The following OXR1 variants were observed in gnomAD, a reference collection of about 807,000 sequenced individuals.
OXR1 encodes the protein oxidation resistance 1, also known as oxidation resistance protein 1.
OXR1 carries 41 observed loss-of-function variants against 104.6 expected under a neutral mutation model. The observed-to-expected ratio is 0.39, with a 90% CI of 0.31 to 0.51. OXR1 has a LOEUF of 0.51. Among genes scored for constraint, OXR1 ranks in the 20% least tolerant of loss-of-function variants. OXR1 has a pLI of 0.77. For missense variants in OXR1, 955 were observed against 1,031.9 expected (o/e 0.93, Z 1.02); for synonymous variants, 348 against 348.4 (o/e 1.00, Z 0.01).
intron 2 of OXR1, among the ~76,000 whole-genome samples, chr8:106,430,754 G>C (rs1002912127): frequency 2.0e-5 from 3 of 152,056 alleles, no homozygotes; most frequent in Non-Finnish European, 4.4e-5. Context: ...TCATCTCAGG[G>C]GAAAATAATT....
At chr8:106,353,573 G>C (rs933134470) in intron 1 of OXR1, among the ~76,000 whole-genome samples, 5 of 151,476 alleles carry the variant, frequency 3.3e-5, no homozygotes, top group African/African-American at 1.2e-4. Flanking sequence ...ATTTTATTTT[G>C]TTCATTTTTT....
chr8:106,382,338 G>T (rs1324204111), intron 2 of OXR1, among the ~76,000 whole-genome samples: 2 of 151,948 alleles, frequency 1.3e-5, no homozygotes, highest in Non-Finnish European at 2.9e-5. Context: ...AAAAAAAAAT[G>T]CAGCATCCTG....
intron 2 of OXR1, among the ~76,000 whole-genome samples, chr8:106,434,581 CA>C (rs1293120910): frequency 2.0e-5 from 3 of 152,110 alleles, no homozygotes; most frequent in Non-Finnish European, 2.9e-5. Context: ...ATTACTTTTC[CA>C]GGGGTGATAA....
intron 2 of OXR1, among the ~76,000 whole-genome samples, chr8:106,474,638 T>C (rs901146614): frequency 2.0e-4 from 30 of 151,954 alleles, no homozygotes; most frequent in African/African-American, 7.2e-4. Context: ...CATACTCATT[T>C]GTGTATTATC....
At chr8:106,427,687 G>C (rs1013776564) in intron 2 of OXR1, among the ~76,000 whole-genome samples, 2 of 152,088 alleles carry the variant, frequency 1.3e-5, no homozygotes, top group Non-Finnish European at 2.9e-5. Flanking sequence ...TTGATTACTT[G>C]GGGCTATGTG....
rs1824759674 is a variant in OXR1, at chr8:106,653,143, C to T, written c.221-26067C>T. On this transcript the variant is annotated intron_variant, in intron 3 of 16. Coordinates refer to ENST00000517566, the MANE Select transcript of OXR1 (RefSeq NM_001198533.2). Reference sequence around the variant, plus strand: ...TTTAAAATATTACCAGAAAGAAAAGCCTAGAGCCAGATGGCTTCAATGGTG... The same window carrying T: ...TTTAAAATATTACCAGAAAGAAAAGTCTAGAGCCAGATGGCTTCAATGGTG... Among the ~76,000 whole-genome samples, 3 of 148,720 alleles carry T rather than the reference C, an allele frequency of 2.0e-5. No homozygotes were observed. The South Asian group carries it at 6.3e-4, about 31-fold the overall frequency.
At chr8:106,415,550 C>A (rs966904631) in intron 2 of OXR1, among the ~76,000 whole-genome samples, 1 of 147,666 alleles carries the variant, frequency 6.8e-6, no homozygotes, top group Non-Finnish European at 1.5e-5. Flanking sequence ...CATGCAAGGG[C>A]AGGAGACTGA....
Position 106,354,655 on chromosome 8 carries a change from TATAGATTTACTGTTTTAAATATGAA to T in OXR1, c.-138-4817_-138-4793del, listed in dbSNP as rs566641456. 6.6e-4 allele frequency among the ~76,000 whole-genome samples: 101 copies of T among 152,300 alleles called. 1 individual carries two copies. Among genetic ancestry groups the T allele is most frequent in the African/African-American group, 2.2e-3 (93 of 41,578 alleles). On this transcript the variant is annotated intron_variant, in intron 1 of 16. Transcript: ENST00000517566. ...TTTTGGTTCTTCCAAGAACCATTTT[TATAGATTTACTGTTTTAAATATGAA>T]ATATAGAAAACCTATATTTATTATG...
At chr8:106,461,062 C>T (rs998796549) in intron 2 of OXR1, among the ~76,000 whole-genome samples, 4 of 152,124 alleles carry the variant, frequency 2.6e-5, no homozygotes, top group South Asian at 2.1e-4. Context: ...TAGCAAAGCA[C>T]GTGTATTTGT....
rs545230030 is a variant in OXR1 at position 106,349,628 on chromosome 8, T to G, written c.-138-9848T>G. On this transcript the variant is annotated intron_variant, in intron 1 of 16. Transcript: ENST00000517566. Reference sequence around the variant, plus strand: ...AAAATTATCTCCTGAGAAAATCACATTAGATAGAACTTTGAACAATATTAC... The same window carrying G: ...AAAATTATCTCCTGAGAAAATCACAGTAGATAGAACTTTGAACAATATTAC... 2.4e-4 allele frequency among the ~76,000 whole-genome samples: 37 copies of G among 152,246 alleles called. No individual in the cohort carries two copies. In the South Asian group the frequency reaches 7.7e-3, roughly 32 times the overall value.
intron 2 of OXR1, among the ~76,000 whole-genome samples, chr8:106,398,752 A>G (rs568948581): frequency 6.6e-6 from 1 of 152,182 alleles, no homozygotes; most frequent in South Asian, 2.1e-4. Flanking sequence ...CTCAGGTGCC[A>G]CCCACCCCAC....
At chr8:106,705,794 T>C (rs1178067528) in intron 8 of OXR1, among the ~76,000 whole-genome samples, 1 of 152,158 alleles carries the variant, frequency 6.6e-6, no homozygotes, top group Non-Finnish European at 1.5e-5. Context: ...ACAAGTTCTC[T>C]TAGAGGTATT....
intron 3 of OXR1, among the ~76,000 whole-genome samples, chr8:106,533,080 G>C (rs1410472973): frequency 6.6e-6 from 1 of 152,122 alleles, no homozygotes; most frequent in Non-Finnish European, 1.5e-5. Context: ...CACATCTGGG[G>C]TTTTTCTCAG....
intron 2 of OXR1, among the ~76,000 whole-genome samples, chr8:106,481,280 T>C (rs1476094651): frequency 1.3e-5 from 2 of 152,038 alleles, no homozygotes; most frequent in Non-Finnish European, 2.9e-5. Flanking sequence ...AACATGGTTT[T>C]CTGCTACCTA....
At chr8:106,588,947 C>G (rs1818860469) in intron 3 of OXR1, among the ~76,000 whole-genome samples, 2 of 152,210 alleles carry the variant, frequency 1.3e-5, no homozygotes, top group South Asian at 4.1e-4. Context: ...AATGCAGATT[C>G]CATCACACAC....
chr8:106,621,752 AG>A (rs1266875217), intron 3 of OXR1, among the ~76,000 whole-genome samples: 1 of 152,218 alleles, frequency 6.6e-6, no homozygotes, highest in Non-Finnish European at 1.5e-5. Context: ...GCAGGTTAAA[AG>A]GGGAATTGAA....
chr8:106,339,234 G>C (rs756438686), intron 1 of OXR1, among the ~76,000 whole-genome samples: 1 of 151,124 alleles, frequency 6.6e-6, no homozygotes, highest in African/African-American at 2.4e-5. Flanking sequence ...GGTGGCTCAC[G>C]CCTGTAATCC....
At chr8:106,526,968 TA>T (rs570484085) in intron 3 of OXR1, among the ~76,000 whole-genome samples, 227 of 152,324 alleles carry the variant, frequency 1.5e-3, no homozygotes, top group African/African-American at 5.1e-3. Flanking sequence ...AGTGGGTGTT[TA>T]TTGAGCTCCT....
In OXR1 at chr8:106,697,787, G is replaced by A. The variant is rs966919191; in HGVS notation, c.675+4910G>A. 26 of 1,612,528 alleles carry A rather than the reference G, an allele frequency of 1.6e-5. 1 individual carries two copies. The highest frequency in any genetic ancestry group is 1.5e-4 in the Admixed American group (9 of 59,988). On this transcript the variant is annotated intron_variant, in intron 7 of 16. Transcript: ENST00000517566. Reference sequence around the variant, plus strand: ...GTGGAGGCCTGGATCTTCTTTACTGGGACCTGCCCCTTGGGGTACAGTGCA... The same window carrying A: ...GTGGAGGCCTGGATCTTCTTTACTGAGACCTGCCCCTTGGGGTACAGTGCA...
Sources: gnomAD v4.1 joint callset for allele counts (sites outside exome capture counted in the v4.1 genomes callset) on GRCh38, gnomAD v4.1.1 for gene constraint, MANE v1.5 for transcripts, NCBI Gene and HGNC (gene_info 2026-07-23, HGNC 2026-07-21) for gene names.